WWOX: variants seen among roughly 807,000 people sequenced by gnomAD.
WWOX encodes WW domain containing oxidoreductase.
Under a neutral mutation model 46.2 loss-of-function variants are expected in WWOX, and 69 were observed. The observed-to-expected ratio is 1.49, with a 90% CI of 1.23 to 1.82. The LOEUF (loss-of-function observed/expected upper bound fraction) is 1.82, where lower values mean the gene tolerates loss of function less well. Ranked by LOEUF, WWOX falls within the 40% of genes most tolerant of loss-of-function variation. The pLI, the probability that WWOX is intolerant of heterozygous loss-of-function variation, is 0.00. For synonymous variants in WWOX, 359 were observed against 202.6 expected (o/e 1.77, Z -6.56); for missense variants, 919 against 542.6 (o/e 1.69, Z -6.89).
intron 8 of WWOX, among the ~76,000 whole-genome samples, chr16:79,006,317 C>G (rs1278344870): frequency 6.6e-6 from 1 of 152,100 alleles, no homozygotes; most frequent in Admixed American, 6.5e-5. Flanking sequence ...GGACACACAG[C>G]CGTGCAGAGA....
chr16:78,859,027 A>AAAAT (rs1555551610), intron 8 of WWOX, among the ~76,000 whole-genome samples: 5 of 23,686 alleles, frequency 2.1e-4, no homozygotes, highest in Non-Finnish European at 2.2e-4. Flanking sequence ...AAAAAAAAAA[A>AAAAT]ATATATATAT....
intron 8 of WWOX, among the ~76,000 whole-genome samples, chr16:78,593,629 G>T (rs984282163): frequency 6.6e-6 from 1 of 152,056 alleles, no homozygotes; most frequent in Non-Finnish European, 1.5e-5. Flanking sequence ...ACAGGGGGAG[G>T]TATTTGCATA....
At chr16:78,262,017 G>A (rs573402185) in intron 5 of WWOX, among the ~76,000 whole-genome samples, 2 of 148,972 alleles carry the variant, frequency 1.3e-5, no homozygotes, top group Non-Finnish European at 3.0e-5. Context: ...TTGAACCTGG[G>A]AAGCGGAGGT....
chr16:78,241,967 G>T (rs1011201998), intron 5 of WWOX, among the ~76,000 whole-genome samples: 1 of 152,102 alleles, frequency 6.6e-6, no homozygotes, highest in Non-Finnish European at 1.5e-5. Context: ...AAATGTTTTG[G>T]GTGAATTCCC....
intron 5 of WWOX, among the ~76,000 whole-genome samples, chr16:78,359,672 T>C: frequency 6.6e-6 from 1 of 152,150 alleles, no homozygotes; most frequent in South Asian, 2.1e-4. Flanking sequence ...TTTAAAAAAA[T>C]AAATTTTCAT....
At chr16:79,103,135 C>G (rs1019180939) in intron 8 of WWOX, among the ~76,000 whole-genome samples, 2 of 152,220 alleles carry the variant, frequency 1.3e-5, no homozygotes, top group African/African-American at 4.8e-5. Flanking sequence ...TTGTTGATCT[C>G]TGCTGAGTCT....
chr16:79,184,884 C>A (rs187212697), intron 8 of WWOX, among the ~76,000 whole-genome samples: 159 of 152,328 alleles, frequency 1.0e-3, no homozygotes, highest in African/African-American at 3.4e-3. Context: ...AGTCAAGGAA[C>A]AATCAAGAAC....
At chr16:78,576,086 G>T (rs559879133) in intron 8 of WWOX, among the ~76,000 whole-genome samples, 2 of 152,018 alleles carry the variant, frequency 1.3e-5, no homozygotes, top group Admixed American at 6.5e-5. Flanking sequence ...ATATTGAATT[G>T]GGAATGTTGT....
chr16:78,326,259 G>A (rs2151887936), intron 5 of WWOX, among the ~76,000 whole-genome samples: 1 of 152,288 alleles, frequency 6.6e-6, no homozygotes, highest in African/African-American at 2.4e-5. Context: ...AACGGTTGCT[G>A]TCATTTGATG....
intron 8 of WWOX, among the ~76,000 whole-genome samples, chr16:79,065,214 C>A (rs2048420378): frequency 6.6e-6 from 1 of 152,194 alleles, no homozygotes; most frequent in African/African-American, 2.4e-5. Flanking sequence ...TCAATGGGTT[C>A]TTCTTGCCTG....
intron 8 of WWOX, among the ~76,000 whole-genome samples, chr16:78,550,052 A>G (rs2044138760): frequency 6.6e-6 from 1 of 152,244 alleles, no homozygotes; most frequent in African/African-American, 2.4e-5. Flanking sequence ...TCATGGTTGA[A>G]TGAAGTTACC....
intron 5 of WWOX, among the ~76,000 whole-genome samples, chr16:78,334,181 G>A (rs753419526): frequency 1.3e-5 from 2 of 152,156 alleles, no homozygotes; most frequent in Non-Finnish European, 2.9e-5. Context: ...CTAATGTAAT[G>A]CCAAAGAAAA....
chr16:79,158,448 G>A (rs2050423857), intron 8 of WWOX, among the ~76,000 whole-genome samples: 1 of 152,124 alleles, frequency 6.6e-6, no homozygotes, highest in South Asian at 2.1e-4. Flanking sequence ...CCAGCGGATG[G>A]CGTTTAACTC....
At chr16:78,500,097 A>T (rs924387455) in intron 8 of WWOX, among the ~76,000 whole-genome samples, 2 of 152,192 alleles carry the variant, frequency 1.3e-5, no homozygotes, top group African/African-American at 4.8e-5. Context: ...CAAAGCACAC[A>T]TTGAGGTTTT....
At chr16:78,717,917 C>G (rs184558869) in intron 8 of WWOX, among the ~76,000 whole-genome samples, 1 of 152,074 alleles carries the variant, frequency 6.6e-6, no homozygotes, top group Non-Finnish European at 1.5e-5. Flanking sequence ...ATAGTGGACC[C>G]AACACCAAGT....
At chr16:78,163,636 T>A (rs905018025) in intron 4 of WWOX, among the ~76,000 whole-genome samples, 2 of 152,200 alleles carry the variant, frequency 1.3e-5, no homozygotes, top group African/African-American at 4.8e-5. Flanking sequence ...CAGATATGGG[T>A]GTGTATGCAC....
intron 8 of WWOX, among the ~76,000 whole-genome samples, chr16:78,482,209 T>A (rs981787298): frequency 1.3e-5 from 2 of 152,146 alleles, no homozygotes; most frequent in African/African-American, 4.8e-5. Flanking sequence ...CACTTGCTTT[T>A]TATCCCAATG....
chr16:78,709,790 G>A (rs1251449781), intron 8 of WWOX, among the ~76,000 whole-genome samples: 1 of 150,248 alleles, frequency 6.7e-6, no homozygotes, highest in African/African-American at 2.5e-5. Context: ...GTGCAGTGGT[G>A]TGATCTCAGC....
chr16:78,780,183 C>G (rs1371096474), intron 8 of WWOX, among the ~76,000 whole-genome samples: 3 of 152,160 alleles, frequency 2.0e-5, no homozygotes, highest in Non-Finnish European at 2.9e-5. Context: ...CCAGCCCTCA[C>G]CTGGTTTTCT....
Sources: gnomAD v4.1 joint callset for allele counts (sites outside exome capture counted in the v4.1 genomes callset) on GRCh38, gnomAD v4.1.1 for gene constraint, MANE v1.5 for transcripts, NCBI Gene and HGNC (gene_info 2026-07-23, HGNC 2026-07-21) for gene names.